Variants in BBX observed in about 807,000 individuals in gnomAD.
BBX encodes the protein BBX high mobility group box domain containing.
BBX carries 30 observed loss-of-function variants against 100.2 expected under a neutral mutation model. The observed-to-expected ratio is 0.30, with a 90% CI of 0.22 to 0.41. The LOEUF (loss-of-function observed/expected upper bound fraction) is 0.41, where lower values mean the gene tolerates loss of function less well. Among genes scored for constraint, BBX ranks in the 10% least tolerant of loss-of-function variants. The pLI, the probability that BBX is intolerant of heterozygous loss-of-function variation, is 1.00. For missense variants in BBX, 1,023 were observed against 1,129.8 expected (o/e 0.91, Z 1.35); for synonymous variants, 376 against 388.1 (o/e 0.97, Z 0.37).
intron 6 of BBX, among the ~76,000 whole-genome samples, chr3:107,729,817 G>T (rs2063193945): frequency 1.3e-5 from 2 of 152,132 alleles, no homozygotes; most frequent in Admixed American, 1.3e-4. Flanking sequence ...GTGATACTGT[G>T]ATAACACTTT....
At chr3:107,729,063 A>G in intron 6 of BBX, 103 bp downstream of exon 6, 3 of 1,179,560 alleles carry the variant, frequency 2.5e-6, no homozygotes, top group Admixed American at 2.3e-5. Context: ...TTTATAACCA[A>G]TATTAAGCAG....
At chr3:107,608,677 G>A (rs1037212864) in intron 2 of BBX, among the ~76,000 whole-genome samples, 2 of 152,030 alleles carry the variant, frequency 1.3e-5, no homozygotes, top group African/African-American at 2.4e-5. Flanking sequence ...TAATAATACC[G>A]ATTCTTACAA....
chr3:107,530,804 A>G (rs947412156), intron 2 of BBX, among the ~76,000 whole-genome samples: 2 of 152,262 alleles, frequency 1.3e-5, no homozygotes, highest in African/African-American at 4.8e-5. Context: ...GACAAAGTGC[A>G]GTGCCCTCTG....
At chr3:107,678,440 C>T (rs1055494195) in intron 3 of BBX, among the ~76,000 whole-genome samples, 26 of 152,006 alleles carry the variant, frequency 1.7e-4, no homozygotes, top group African/African-American at 6.0e-4. Context: ...TTATTATGGG[C>T]CTAGCATGGT....
At chr3:107,556,565 G>A (rs2050113615) in intron 2 of BBX, among the ~76,000 whole-genome samples, 1 of 152,092 alleles carries the variant, frequency 6.6e-6, no homozygotes, top group Admixed American at 6.5e-5. Flanking sequence ...CACTGTGGTT[G>A]TGCCGATTTT....
intron 15 of BBX, among the ~76,000 whole-genome samples, chr3:107,792,053 T>C (rs1393003986): frequency 6.6e-6 from 1 of 152,178 alleles, no homozygotes; most frequent in Non-Finnish European, 1.5e-5. Flanking sequence ...TAACTAGTCA[T>C]GTTATAGGTC....
At chr3:107,794,365 G>T (rs187340729) in intron 15 of BBX, among the ~76,000 whole-genome samples, 1 of 151,348 alleles carries the variant, frequency 6.6e-6, no homozygotes, top group African/African-American at 2.4e-5. Flanking sequence ...TACATTTTCC[G>T]TTTTTCATAT....
chr3:107,769,876 C>CTT (rs2066754447), intron 10 of BBX, among the ~76,000 whole-genome samples: 2 of 152,156 alleles, frequency 1.3e-5, no homozygotes, highest in African/African-American at 4.8e-5. Context: ...ACGCCCAACT[C>CTT]TGAGAGTCTG....
rs773501127 is a variant in BBX, at chr3:107,710,480, A to G, written c.20A>G (p.Asn7Ser). The change falls in exon 4 of 18, where the codon AAT becomes AGT. Residue 7 changes from asparagine (N) to serine (S), a missense_variant. Asn to Ser is a conservative substitution (Grantham distance 46). This residue lies in a region of BBX where 229 missense variants were observed against 226.3 expected (regional missense o/e 1.01). Transcript: ENST00000325805. MKGSNR[N>S]KDHSAEGEGV... The stretch of plus-strand genomic sequence containing the variant: ...ACAGTAATGAAAGGCAGTAATAGAA[A>G]TAAGGATCATTCAGCAGAAGGAGAA... The G allele has an allele frequency of 5.7e-5, 92 of 1,613,502 alleles. No homozygotes were observed. In the South Asian group the frequency reaches 6.3e-4, roughly 11 times the overall value.
At chr3:107,638,778 T>TGTACAC (rs1559904153) in intron 2 of BBX, among the ~76,000 whole-genome samples, 4 of 21,628 alleles carry the variant, frequency 1.8e-4, no homozygotes, top group Non-Finnish European at 1.8e-4. Context: ...AAAAAAAAAG[T>TGTACAC]ATACACACAC....
At chr3:107,794,655 T>C (rs113621084) in intron 15 of BBX, among the ~76,000 whole-genome samples, 2,732 of 152,288 alleles carry the variant, frequency 0.018, 79 homozygotes, top group African/African-American at 0.062. Context: ...TAAGGCTCAT[T>C]CGTTTCTTTT....
chr3:107,619,111 ATATGGCACTTT>A (rs1455887374), intron 2 of BBX, among the ~76,000 whole-genome samples: 1 of 152,004 alleles, frequency 6.6e-6, no homozygotes, highest in African/African-American at 2.4e-5. Flanking sequence ...TTTCTTGGCG[ATATGGCACTTT>A]TATCATGATA....
At chr3:107,635,515 T>C (rs1264246968) in intron 2 of BBX, among the ~76,000 whole-genome samples, 1 of 152,186 alleles carries the variant, frequency 6.6e-6, no homozygotes, top group Non-Finnish European at 1.5e-5. Context: ...GAAACTTATC[T>C]TTATAGGAAA....
chr3:107,587,697 C>T (rs1184397632), intron 2 of BBX, among the ~76,000 whole-genome samples: 3 of 152,112 alleles, frequency 2.0e-5, no homozygotes, highest in Non-Finnish European at 2.9e-5. Context: ...TGAAATCATT[C>T]GAATTCATTT....
At chr3:107,588,247 G>C (rs1388979472) in intron 2 of BBX, among the ~76,000 whole-genome samples, 2 of 151,962 alleles carry the variant, frequency 1.3e-5, no homozygotes, top group Non-Finnish European at 2.9e-5. Context: ...CCAGGTCTTA[G>C]ATGATGGTTA....
chr3:107,709,794 A>G (rs2061606469), intron 3 of BBX, among the ~76,000 whole-genome samples: 1 of 152,242 alleles, frequency 6.6e-6, no homozygotes, highest in Non-Finnish European at 1.5e-5. Flanking sequence ...TTTTTTTTAC[A>G]TCAATGAAAA....
chr3:107,649,623 T>C (rs1008267431), intron 3 of BBX, among the ~76,000 whole-genome samples: 2 of 148,572 alleles, frequency 1.3e-5, no homozygotes, highest in African/African-American at 4.9e-5. Context: ...CTGATAGACA[T>C]CCGACAGTGC....
chr3:107,725,124 A>G (rs548026566), intron 5 of BBX, among the ~76,000 whole-genome samples: 1 of 152,116 alleles, frequency 6.6e-6, no homozygotes, highest in East Asian at 1.9e-4. Flanking sequence ...GGTCCTTCAC[A>G]TCCCTTGTAA....
intron 2 of BBX, among the ~76,000 whole-genome samples, chr3:107,579,128 T>C (rs1035631950): frequency 1.3e-5 from 2 of 152,208 alleles, no homozygotes; most frequent in Non-Finnish European, 2.9e-5. Flanking sequence ...ACTTTCACAT[T>C]GTGTTTCCTC....
Sources: allele counts gnomAD v4.1 joint callset (sites outside exome capture counted in the v4.1 genomes callset), GRCh38; gene constraint gnomAD v4.1.1; regional missense constraint gnomAD v4.1.1; transcripts MANE v1.5; gene names NCBI Gene and HGNC (gene_info 2026-07-23, HGNC 2026-07-21).